The following LSM3 variants were observed in gnomAD, a reference collection of about 807,000 sequenced individuals.
LSM3 encodes LSM3 homolog, U6 small nuclear RNA and mRNA degradation associated.
In LSM3, 14 loss-of-function variants were observed where a neutral mutation model predicts 15.4. The ratio of observed to expected loss-of-function variants is 0.91; its 90% CI spans 0.60 to 1.42. The LOEUF is 1.42. LSM3 is among the 40% of genes most tolerant of loss of function. The probability of loss-of-function intolerance (pLI) is 0.00; values close to 1 mark genes in which losing one functional copy is unlikely to be tolerated. For missense variants in LSM3, 88 were observed against 127.9 expected, an observed-to-expected ratio of 0.69 and a Z score of 1.50; for synonymous variants, 46 against 45.1, an observed-to-expected ratio of 1.02 and a Z score of -0.08.
At position 14,198,180 on chromosome 3, in the gene LSM3, A is replaced by G. The variant is rs1399038554; in HGVS notation, c.*64A>G. On this transcript the variant is annotated 3_prime_UTR_variant, in exon 4 of 4. Coordinates refer to ENST00000306024, the MANE Select transcript of LSM3 (RefSeq NM_014463.3). ...GTACAGTGGCCTCTCTAAAAGTACA[A>G]AACATTCATAAGAGAAACCTGCATA... 2 of 1,189,910 alleles carry G rather than the reference A, an allele frequency of 1.7e-6. No individual in the cohort carries two copies. The highest frequency in any genetic ancestry group is 3.5e-5 in the Admixed American group (2 of 57,244). 73.7% of individuals were successfully genotyped at this position (1,189,910 alleles called of 1,614,324 possible).
intron 3 of LSM3, among the ~76,000 whole-genome samples, chr3:14,188,381 C>A (rs906797131): frequency 6.6e-6 from 1 of 152,162 alleles, no homozygotes; most frequent in South Asian, 2.1e-4. Flanking sequence ...ACACATATTT[C>A]TTTTCTTACT....
At chr3:14,185,181 T>C (rs1187129668) in intron 3 of LSM3, among the ~76,000 whole-genome samples, 1 of 151,820 alleles carries the variant, frequency 6.6e-6, no homozygotes, top group Non-Finnish European at 1.5e-5. Flanking sequence ...CAAAACCCTG[T>C]CTCTACTAAA....
chr3:14,183,217 C>CTT (rs1166979277), intron 2 of LSM3, among the ~76,000 whole-genome samples: 3 of 152,162 alleles, frequency 2.0e-5, no homozygotes, highest in Non-Finnish European at 4.4e-5. Flanking sequence ...TGACAAGTGA[C>CTT]TTTTATTTTG....
chr3:14,179,650 A>C (rs1490308810), intron 1 of LSM3, among the ~76,000 whole-genome samples: 1 of 152,162 alleles, frequency 6.6e-6, no homozygotes, highest in African/African-American at 2.4e-5. Flanking sequence ...ATCTCTCCCC[A>C]CTAGAATGTA....
At chr3:14,183,180 G>T (rs934181778) in intron 2 of LSM3, among the ~76,000 whole-genome samples, 1 of 152,132 alleles carries the variant, frequency 6.6e-6, no homozygotes, top group African/African-American at 2.4e-5. Context: ...TTGTTAGTGT[G>T]CCCTGCTTAG....
In LSM3 at chr3:14,198,021, T is replaced by A. The variant is rs753776542; in HGVS notation, c.229-15T>A. ...ACAGTTGTACAAATATGTTCTGTTTTTTTTTCTCTTCTAGTCAACGAAACG... is the reference window on the plus strand; with the variant it reads ...ACAGTTGTACAAATATGTTCTGTTTATTTTTCTCTTCTAGTCAACGAAACG... On this transcript the variant is annotated splice_polypyrimidine_tract_variant and intron_variant, in intron 3 of 3. Coordinates refer to ENST00000306024, the MANE Select transcript of LSM3 (RefSeq NM_014463.3). 1.9e-5 allele frequency: 31 copies of A among 1,606,072 alleles called. No homozygotes were observed. The highest frequency in any genetic ancestry group is 1.6e-5 in the Non-Finnish European group (19 of 1,172,852).
intron 3 of LSM3, among the ~76,000 whole-genome samples, chr3:14,192,490 G>A (rs1697149667): frequency 6.6e-6 from 1 of 152,152 alleles, no homozygotes. Context: ...ATATATTTAG[G>A]ATAGTTAGCT....
chr3:14,192,018 C>T (rs901035942), intron 3 of LSM3, among the ~76,000 whole-genome samples: 5 of 152,166 alleles, frequency 3.3e-5, no homozygotes, highest in Non-Finnish European at 5.9e-5. Flanking sequence ...ATCTTTATTT[C>T]TGCCTTCATT....
At chr3:14,193,639 G>A (rs1697161755) in intron 3 of LSM3, among the ~76,000 whole-genome samples, 2 of 152,138 alleles carry the variant, frequency 1.3e-5, no homozygotes, top group South Asian at 4.1e-4. Context: ...GGCCATTTAT[G>A]TTTTTCTCTA....
intron 3 of LSM3, among the ~76,000 whole-genome samples, chr3:14,184,674 G>A (rs1697070662): frequency 6.7e-6 from 1 of 148,438 alleles, no homozygotes; most frequent in Non-Finnish European, 1.5e-5. Context: ...GGAGAATGGC[G>A]TGAACCCGGG....
At position 14,185,903 on chromosome 3, in the gene LSM3, A is replaced by G. The variant is rs978754560; in HGVS notation, c.228+1871A>G. On this transcript the variant is annotated intron_variant, in intron 3 of 3. Coordinates refer to ENST00000306024, the MANE Select transcript of LSM3 (RefSeq NM_014463.3). ...TCACATTTATTAGTTATCACCAGTG[A>G]TCTTGTCAGAAAGGTCTTTTTTTTT... Among the ~76,000 whole-genome samples the G allele has an allele frequency of 2.6e-5, 4 of 151,760 alleles. No individual in the cohort carries two copies. In the East Asian group the frequency reaches 5.8e-4, roughly 22 times the overall value.
intron 3 of LSM3, 53 bp downstream of exon 3, chr3:14,184,085 G>A (rs937719985): frequency 4.4e-5 from 69 of 1,556,478 alleles, no homozygotes; most frequent in Non-Finnish European, 5.8e-5. Context: ...GTTCTCTCTC[G>A]AACAGCTTAA....
intron 3 of LSM3, 58 bp from the exon 4 acceptor site, chr3:14,197,978 A>G (rs1697201030): frequency 7.2e-7 from 1 of 1,396,708 alleles, no homozygotes; most frequent in Admixed American, 1.8e-5. Context: ...TTCTGTCACA[A>G]ACAATAAGCA....
In LSM3 at chr3:14,183,253, CGTT is replaced by C. The variant is rs750319924; in HGVS notation, c.133-680_133-678del. ...ATGTGAGCAGGTGAACCATGTAACA[CGTT>C]GTTAGAAGTAAACTTGAGTTCTGAA... On this transcript the variant is annotated intron_variant, in intron 2 of 3. Transcript: ENST00000306024. Among the ~76,000 whole-genome samples, 6 of 152,284 alleles carry C rather than the reference CGTT, an allele frequency of 3.9e-5. No homozygotes were observed. In the East Asian group the frequency reaches 1.2e-3, roughly 29 times the overall value.
intron 3 of LSM3, 41 bp downstream of exon 3, chr3:14,184,073 C>T: frequency 6.3e-7 from 1 of 1,574,864 alleles, no homozygotes; most frequent in Non-Finnish European, 8.6e-7. Context: ...CAAATATCAG[C>T]TGTTCTCTCT....
At chr3:14,185,502 G>A (rs1329921741) in intron 3 of LSM3, among the ~76,000 whole-genome samples, 6 of 152,126 alleles carry the variant, frequency 3.9e-5, no homozygotes, top group African/African-American at 7.2e-5. Context: ...CCGCTTAATC[G>A]ATAACAGCTA....
intron 1 of LSM3, among the ~76,000 whole-genome samples, chr3:14,180,821 CTTTTTTTTTT>C (rs1164090236): frequency 1.9e-4 from 9 of 46,768 alleles, no homozygotes; most frequent in East Asian, 8.3e-4. Context: ...GCTTGCTTGC[CTTTTTTTTTT>C]TTTTTTTTTT....
In LSM3 at chr3:14,178,850, G is replaced by T. The variant is rs1696967803; in HGVS notation, c.-11G>T. ...CTCGCGAGAGGCGGGAAAGGGCGCA[G>T]GGTTTGAAACATGGCGGACGACGTA... On this transcript the variant is annotated 5_prime_UTR_variant, in exon 1 of 4. The change creates a new upstream start codon in the 5' untranslated region. Coordinates refer to ENST00000306024, the MANE Select transcript of LSM3 (RefSeq NM_014463.3). 1.2e-6 allele frequency: 2 copies of T among 1,614,126 alleles called. No homozygotes were observed. Among genetic ancestry groups the T allele is most frequent in the Admixed American group, 3.3e-5 (2 of 60,006 alleles).
intron 3 of LSM3, among the ~76,000 whole-genome samples, chr3:14,197,291 A>G (rs1559393788): frequency 6.6e-6 from 1 of 152,128 alleles, no homozygotes; most frequent in African/African-American, 2.4e-5. Context: ...ATCTACTAAC[A>G]TTTGGCTTTT....
Sources: gnomAD v4.1 joint callset for allele counts (sites outside exome capture counted in the v4.1 genomes callset) on GRCh38, gnomAD v4.1.1 for gene constraint, MANE v1.5 for transcripts, NCBI Gene and HGNC (gene_info 2026-07-23, HGNC 2026-07-21) for gene names.